Variants in C6orf118 observed in about 807,000 individuals in gnomAD.
C6orf118 encodes the protein chromosome 6 open reading frame 118, also known as uncharacterized protein C6orf118.
A neutral mutation model predicts 50.2 loss-of-function variants in C6orf118; 50 were observed. The observed-to-expected ratio is 1.00, with a 90% CI of 0.79 to 1.26. The LOEUF is 1.26. Ranked by LOEUF, C6orf118 falls within the 50% of genes most tolerant of loss-of-function variation. C6orf118 has a pLI of 0.00. For synonymous variants in C6orf118, 239 were observed against 230.9 expected (o/e 1.03, Z -0.32); for missense variants, 641 against 578.7 (o/e 1.11, Z -1.10).
intron 1 of C6orf118, among the ~76,000 whole-genome samples, chr6:165,309,079 C>T (rs1780847150): frequency 6.6e-6 from 1 of 152,236 alleles, no homozygotes; most frequent in African/African-American, 2.4e-5. Context: ...TAGCACCAGC[C>T]TTCAGGGTCA....
intron 1 of C6orf118, among the ~76,000 whole-genome samples, chr6:165,308,458 AC>A (rs2128166281): frequency 6.6e-6 from 1 of 152,230 alleles, no homozygotes; most frequent in East Asian, 1.9e-4. Context: ...CCTGCTGACA[AC>A]CCACAATTCC....
chr6:165,294,847 C>T (rs1333338073), intron 5 of C6orf118, among the ~76,000 whole-genome samples: 1 of 152,144 alleles, frequency 6.6e-6, no homozygotes, highest in East Asian at 1.9e-4. Context: ...CATGCCACTA[C>T]ACTCCAGCCT....
intron 7 of C6orf118, among the ~76,000 whole-genome samples, chr6:165,285,247 T>A (rs1178298245): frequency 6.6e-6 from 1 of 152,140 alleles, no homozygotes; most frequent in Non-Finnish European, 1.5e-5. Flanking sequence ...AAGGGTTCAA[T>A]TGAACAAGAA....
chr6:165,306,682 G>A (rs1003784209), intron 1 of C6orf118, among the ~76,000 whole-genome samples: 3 of 151,668 alleles, frequency 2.0e-5, no homozygotes, highest in East Asian at 1.9e-4. Context: ...AGAAGGAGGC[G>A]ACTTCATTGC....
chr6:165,308,835 A>G (rs1038800740), intron 1 of C6orf118, among the ~76,000 whole-genome samples: 3 of 152,182 alleles, frequency 2.0e-5, no homozygotes. Flanking sequence ...CTGTACATGA[A>G]GAGCACTAAA....
intron 1 of C6orf118, among the ~76,000 whole-genome samples, chr6:165,307,128 A>G (rs1297844407): frequency 6.6e-6 from 1 of 152,184 alleles, no homozygotes; most frequent in Non-Finnish European, 1.5e-5. Flanking sequence ...GGGTTAATAC[A>G]TATTGCCAAA....
At chr6:165,308,211 T>C (rs938290967) in intron 1 of C6orf118, among the ~76,000 whole-genome samples, 8 of 152,162 alleles carry the variant, frequency 5.3e-5, no homozygotes, top group African/African-American at 1.9e-4. Context: ...GAAAGGGGAC[T>C]TTACCAGCTG....
chr6:165,291,494 GT>G (rs1259925398), intron 6 of C6orf118, among the ~76,000 whole-genome samples: 3 of 152,138 alleles, frequency 2.0e-5, no homozygotes, highest in Non-Finnish European at 2.9e-5. Context: ...ATCTCCATGT[GT>G]TTGGTGATAC....
At chr6:165,293,346 G>T in intron 6 of C6orf118, 67 bp downstream of exon 6, 3 of 1,409,418 alleles carry the variant, frequency 2.1e-6, no homozygotes, top group Non-Finnish European at 3.0e-6. Context: ...CAGCCACACT[G>T]CAGCAGCTGA....
intron 8 of C6orf118, among the ~76,000 whole-genome samples, chr6:165,280,540 C>T (rs944488084): frequency 1.3e-5 from 2 of 152,228 alleles, no homozygotes; most frequent in Non-Finnish European, 2.9e-5. Flanking sequence ...CCCTTTCTCC[C>T]ATGGCTTTTT....
At chr6:165,303,490 T>C (rs1036634001) in intron 1 of C6orf118, among the ~76,000 whole-genome samples, 2 of 144,976 alleles carry the variant, frequency 1.4e-5, no homozygotes, top group African/African-American at 2.7e-5. Context: ...CTGAAGGAAA[T>C]AGAGACACAA....
chr6:165,294,786 A>G (rs1583014075), intron 5 of C6orf118, among the ~76,000 whole-genome samples: 1 of 152,036 alleles, frequency 6.6e-6, no homozygotes, highest in African/African-American at 2.4e-5. Flanking sequence ...GGGAGGCTGA[A>G]GTAGGAGGAT....
At position 165,296,250 on chromosome 6, in the gene C6orf118, G is replaced by GTTTTTT. The variant is rs56394079; in HGVS notation, c.1061+1721_1061+1726dup. On this transcript the variant is annotated intron_variant, in intron 5 of 8. Transcript: ENST00000230301. ...GTTGTTGTTGTTGTTTTCGTTTTTT[G>GTTTTTT]TTTTTTTTTTTTTTTTTTTTTTTTT... Among the ~76,000 whole-genome samples, 43 of 103,376 alleles carry GTTTTTT rather than the reference G, an allele frequency of 4.2e-4. 2 individuals are homozygous for GTTTTTT. The highest frequency in any genetic ancestry group is 6.6e-4 in the Non-Finnish European group (32 of 48,764). The allele number at this position is 103,376 out of a possible 152,430, so 67.8% of individuals were successfully genotyped here.
intron 6 of C6orf118, among the ~76,000 whole-genome samples, chr6:165,292,608 G>A (rs1472759121): frequency 1.3e-5 from 2 of 152,254 alleles, no homozygotes; most frequent in East Asian, 1.9e-4. Flanking sequence ...CCTATTTCAC[G>A]TCTGTGAGAG....
chr6:165,298,820 T>G (rs1207430944), intron 4 of C6orf118, among the ~76,000 whole-genome samples: 1 of 152,256 alleles, frequency 6.6e-6, no homozygotes, highest in Non-Finnish European at 1.5e-5. Context: ...CTTGCAATGC[T>G]GTGATCTTTT....
At position 165,301,917 on chromosome 6, in the gene C6orf118, C is replaced by G; in HGVS notation, c.405G>C (p.Gln135His). The G allele has an allele frequency of 6.2e-7, 1 of 1,613,832 alleles. No homozygotes were observed. Among genetic ancestry groups the G allele is most frequent in the Non-Finnish European group, 8.5e-7 (1 of 1,180,024 alleles). Residue 135 changes from glutamine to histidine, a missense_variant, in exon 2 of 9, where the codon CAG (glutamine) becomes CAC (histidine). Transcript: ENST00000230301. The part of the protein sequence containing the change: ...DTPLFRYLNP[Q>H]ASLSHTSEED... Reference sequence around the variant, plus strand: ...CCTCTGAAGTGTGGGAAAGAGAGGCCTGGGGGTTCAGGTACCTGAACAGCG... The same window carrying G: ...CCTCTGAAGTGTGGGAAAGAGAGGCGTGGGGGTTCAGGTACCTGAACAGCG...
At chr6:165,298,320 A>G (rs564882596) in intron 4 of C6orf118, among the ~76,000 whole-genome samples, 7 of 152,304 alleles carry the variant, frequency 4.6e-5, no homozygotes, top group African/African-American at 1.7e-4. Flanking sequence ...CAATATGTTA[A>G]AAGTTTATTT....
chr6:165,294,269 A>C (rs1464888449), intron 5 of C6orf118, among the ~76,000 whole-genome samples: 7 of 138,778 alleles, frequency 5.0e-5, no homozygotes, highest in South Asian at 4.7e-4. Context: ...AAAAAAAAAC[A>C]AAAAAAAAAA....
chr6:165,291,503 T>C (rs892720425), intron 6 of C6orf118, among the ~76,000 whole-genome samples: 1 of 152,112 alleles, frequency 6.6e-6, no homozygotes, highest in Non-Finnish European at 1.5e-5. Flanking sequence ...TGTTTGGTGA[T>C]ACCATCCATT....
Sources: allele counts gnomAD v4.1 joint callset (sites outside exome capture counted in the v4.1 genomes callset), GRCh38; gene constraint gnomAD v4.1.1; transcripts MANE v1.5; gene names NCBI Gene and HGNC (gene_info 2026-07-23, HGNC 2026-07-21).